CRIM1: variants seen among roughly 807,000 people sequenced by gnomAD.
CRIM1 encodes the protein cysteine-rich motor neuron 1 protein.
CRIM1 carries 32 observed loss-of-function variants against 116.4 expected under a neutral mutation model. That is an observed-to-expected ratio of 0.27 (90% CI 0.21 to 0.37). The LOEUF is 0.37. CRIM1 is among the 10% of genes least tolerant of loss of function. The pLI is 1.00. For synonymous variants in CRIM1, 590 were observed against 509.2 expected (o/e 1.16, Z -2.13); for missense variants, 1,331 against 1,354.8 (o/e 0.98, Z 0.28).
At chr2:36,380,877 A>C (rs945305344) in intron 1 of CRIM1, among the ~76,000 whole-genome samples, 1 of 152,136 alleles carries the variant, frequency 6.6e-6, no homozygotes, top group Admixed American at 6.5e-5. Flanking sequence ...AAAGTTTGTC[A>C]TGTTCTCTTA....
intron 13 of CRIM1, among the ~76,000 whole-genome samples, chr2:36,527,345 A>G (rs1665822479): frequency 6.6e-6 from 1 of 152,068 alleles, no homozygotes; most frequent in Non-Finnish European, 1.5e-5. Flanking sequence ...ATGGTACACT[A>G]AAAATTTCTT....
chr2:36,531,402 T>C (rs1666107509), intron 13 of CRIM1, among the ~76,000 whole-genome samples: 1 of 151,716 alleles, frequency 6.6e-6, no homozygotes, highest in Non-Finnish European at 1.5e-5. Flanking sequence ...TTTTGGTTTT[T>C]TGTTTTTTTT....
At chr2:36,393,194 G>T (rs541242504) in intron 1 of CRIM1, among the ~76,000 whole-genome samples, 2 of 152,170 alleles carry the variant, frequency 1.3e-5, no homozygotes, top group South Asian at 2.1e-4. Flanking sequence ...AGAGCTGAAC[G>T]GGGGGAAGAG....
At chr2:36,541,831 C>T (rs556577221) in intron 14 of CRIM1, among the ~76,000 whole-genome samples, 1 of 152,104 alleles carries the variant, frequency 6.6e-6, no homozygotes, top group Non-Finnish European at 1.5e-5. Context: ...TAGTAAATAC[C>T]AGAAGGGTTA....
intron 6 of CRIM1, 55 bp from the exon 7 acceptor site, chr2:36,479,442 A>G (rs1475359757): frequency 6.4e-7 from 1 of 1,559,196 alleles, no homozygotes; most frequent in Non-Finnish European, 8.8e-7. Context: ...GGGTACTGAC[A>G]GAGATAAGAT....
chr2:36,549,851 A>G lies in CRIM1; in HGVS notation c.*1150A>G, dbSNP rs1667624881. On this transcript the variant is annotated 3_prime_UTR_variant, in exon 17 of 17. Transcript: ENST00000280527. ...GCATGTGTATATAATATATATATAT[A>G]CATATATATTTATACACATACAATT... 1 of 151,502 alleles carries G rather than the reference A, an allele frequency of 6.6e-6. No homozygotes were observed. The highest frequency in any genetic ancestry group is 2.4e-5 in the African/African-American group (1 of 41,250). 9.4% of individuals were successfully genotyped at this position (151,502 alleles called of 1,614,324 possible).
intron 8 of CRIM1, 114 bp downstream of exon 8, chr2:36,499,461 G>A: frequency 8.9e-7 from 1 of 1,125,628 alleles, no homozygotes; most frequent in Non-Finnish European, 1.3e-6. Flanking sequence ...TTGACAACCT[G>A]AAAAAAAGGG....
chr2:36,468,309 G>C (rs184400606), intron 5 of CRIM1, among the ~76,000 whole-genome samples: 1 of 152,114 alleles, frequency 6.6e-6, no homozygotes, highest in Admixed American at 6.5e-5. Context: ...TCGAAAACTC[G>C]TGAGTTTTGA....
chr2:36,538,473 A>G (rs984106676), intron 14 of CRIM1, among the ~76,000 whole-genome samples: 1 of 152,138 alleles, frequency 6.6e-6, no homozygotes, highest in African/African-American at 2.4e-5. Context: ...GCAGCATTAT[A>G]TTAGAGAACC....
In CRIM1 at chr2:36,544,442, T is replaced by G; in HGVS notation, c.2690T>G (p.Leu897Arg). Reference protein sequence around the residue: ...EKTNHRGEVDLEVPLWPTPSE... With the variant: ...EKTNHRGEVDREVPLWPTPSE... ...ACAAACCATCGAGGAGAGGTTGACC[T>G]GGAGGTTCCCCTGTGGCCCACGCCT... The change falls in exon 15 of 17, where the codon CTG becomes CGG. Residue 897 changes from leucine to arginine, a missense_variant. This residue lies in a region of CRIM1 where 283 missense variants were observed against 242.8 expected (regional missense o/e 1.17). Transcript: ENST00000280527. 2 of 1,426,732 alleles carry G rather than the reference T, an allele frequency of 1.4e-6. No individual in the cohort carries two copies. The highest frequency in any genetic ancestry group is 1.8e-6 in the Non-Finnish European group (2 of 1,083,580). The allele number at this position is 1,426,732 out of a possible 1,614,324, so 88.4% of individuals were successfully genotyped here.
At chr2:36,362,312 A>G (rs893391142) in intron 1 of CRIM1, among the ~76,000 whole-genome samples, 1 of 152,158 alleles carries the variant, frequency 6.6e-6, no homozygotes, top group Non-Finnish European at 1.5e-5. Flanking sequence ...GGCAAAGCAG[A>G]AAGGGGAATT....
chr2:36,386,815 A>G (rs550327015), intron 1 of CRIM1, among the ~76,000 whole-genome samples: 6 of 152,348 alleles, frequency 3.9e-5, no homozygotes, highest in Admixed American at 2.0e-4. Flanking sequence ...TTCAGTCCCT[A>G]TAGAGTGGGG....
chr2:36,408,411 C>A (rs1166269988), intron 2 of CRIM1, among the ~76,000 whole-genome samples: 3 of 152,210 alleles, frequency 2.0e-5, no homozygotes, highest in Admixed American at 1.3e-4. Flanking sequence ...TGAGTTGCTG[C>A]TTTGCCCAGC....
intron 1 of CRIM1, among the ~76,000 whole-genome samples, chr2:36,368,381 C>T (rs889795461): frequency 6.6e-6 from 1 of 152,152 alleles, no homozygotes; most frequent in Middle Eastern, 3.2e-3. Context: ...CAAGTACAAG[C>T]CAACTGCGAA....
At chr2:36,471,889 C>T (rs1477866941) in intron 5 of CRIM1, among the ~76,000 whole-genome samples, 2 of 152,134 alleles carry the variant, frequency 1.3e-5, no homozygotes, top group African/African-American at 4.8e-5. Context: ...CACTGGGAAG[C>T]CAAAAAGTTT....
chr2:36,411,258 G>A (rs977350112), intron 2 of CRIM1, among the ~76,000 whole-genome samples: 2 of 152,062 alleles, frequency 1.3e-5, no homozygotes, highest in African/African-American at 4.8e-5. Context: ...ACACTTCATT[G>A]CAGCATGGAA....
At chr2:36,451,293 C>A (rs1031072872) in intron 4 of CRIM1, among the ~76,000 whole-genome samples, 1 of 152,058 alleles carries the variant, frequency 6.6e-6, no homozygotes, top group Non-Finnish European at 1.5e-5. Flanking sequence ...AGGAAACACA[C>A]AACATGCACA....
At chr2:36,476,148 C>A (rs188706888) in intron 5 of CRIM1, among the ~76,000 whole-genome samples, 1 of 152,096 alleles carries the variant, frequency 6.6e-6, no homozygotes, top group African/African-American at 2.4e-5. Context: ...CGTGATGAGA[C>A]TTCTAAATAT....
intron 2 of CRIM1, among the ~76,000 whole-genome samples, chr2:36,438,547 C>T (rs2124927231): frequency 6.6e-6 from 1 of 152,200 alleles, no homozygotes; most frequent in African/African-American, 2.4e-5. Context: ...CACGGCAGTT[C>T]CTTGGGGGGT....
Sources: gnomAD v4.1 joint callset for allele counts (sites outside exome capture counted in the v4.1 genomes callset) on GRCh38, gnomAD v4.1.1 for gene constraint, gnomAD v4.1.1 regional missense constraint, MANE v1.5 for transcripts, NCBI Gene and HGNC (gene_info 2026-07-23, HGNC 2026-07-21) for gene names.